The following FTO variants were observed in gnomAD, a reference collection of about 807,000 sequenced individuals.
The protein encoded by FTO is alpha-ketoglutarate-dependent dioxygenase FTO.
In FTO, 47 loss-of-function variants were observed where a neutral mutation model predicts 63.9. The observed-to-expected ratio is 0.74, with a 90% confidence interval of 0.58 to 0.94. FTO has a LOEUF of 0.94. Among genes scored for constraint, FTO ranks in the 40% least tolerant of loss-of-function variants. FTO has a pLI of 0.00. For missense variants in FTO, 562 were observed against 618.1 expected (o/e 0.91, Z 0.96); for synonymous variants, 207 against 224.4 (o/e 0.92, Z 0.69).
At chr16:53,837,351 G>A (rs2151802313) in intron 3 of FTO, among the ~76,000 whole-genome samples, 1 of 152,290 alleles carries the variant, frequency 6.6e-6, no homozygotes, top group South Asian at 2.1e-4. Flanking sequence ...AGATTTTTCT[G>A]TAAAGAGTTT....
chr16:53,826,098 G>C lies in FTO; in HGVS notation c.358G>C (p.Val120Leu). ...NTRLFTVPWP[V>L]KGSNIKHTEA... Reference sequence around the variant, plus strand: ...CAGGCTCTTTACGGTCCCCTGGCCAGTGAAAGGGTCTAATATAAAACACAC... The same window carrying C: ...CAGGCTCTTTACGGTCCCCTGGCCACTGAAAGGGTCTAATATAAAACACAC... The change falls in exon 3 of 9, where the codon GTG (valine) becomes CTG (leucine). Residue 120 changes from valine to leucine, a missense_variant. Coordinates refer to ENST00000471389, the MANE Select transcript of FTO (RefSeq NM_001080432.3). 3 of 1,614,194 alleles carry C rather than the reference G, an allele frequency of 1.9e-6. No homozygotes were observed. The highest frequency in any genetic ancestry group is 2.5e-6 in the Non-Finnish European group (3 of 1,180,048).
At chr16:54,075,897 T>C (rs1243485390) in intron 8 of FTO, among the ~76,000 whole-genome samples, 1 of 152,118 alleles carries the variant, frequency 6.6e-6, no homozygotes, top group African/African-American at 2.4e-5. Flanking sequence ...AATCTTAGAG[T>C]TGAGTAGAAA....
chr16:53,936,226 A>G (rs528890874), intron 8 of FTO, among the ~76,000 whole-genome samples: 4 of 152,354 alleles, frequency 2.6e-5, no homozygotes, highest in Non-Finnish European at 5.9e-5. Context: ...GTGTTAAGGG[A>G]GGAGGAAAGA....
chr16:54,055,711 C>G (rs73621707), intron 8 of FTO, among the ~76,000 whole-genome samples: 2 of 152,044 alleles, frequency 1.3e-5, no homozygotes, highest in African/African-American at 4.8e-5. Context: ...AATGTATGCC[C>G]ATGTCTATTA....
chr16:53,741,190 A>C (rs2076520975), intron 1 of FTO, among the ~76,000 whole-genome samples: 1 of 152,218 alleles, frequency 6.6e-6, no homozygotes, highest in Non-Finnish European at 1.5e-5. Context: ...CAGGTTTAGT[A>C]GTTAGTTATA....
chr16:54,090,152 T>C (rs1441754220), intron 8 of FTO, among the ~76,000 whole-genome samples: 4 of 152,178 alleles, frequency 2.6e-5, no homozygotes, highest in Non-Finnish European at 5.9e-5. Context: ...AACAGAGGAA[T>C]GGATAAACAA....
At chr16:54,013,950 G>C (rs1165338286) in intron 8 of FTO, among the ~76,000 whole-genome samples, 1 of 152,114 alleles carries the variant, frequency 6.6e-6, no homozygotes, top group Admixed American at 6.5e-5. Context: ...GCACTAAAAA[G>C]GACATTTGAA....
intron 8 of FTO, among the ~76,000 whole-genome samples, chr16:54,019,105 G>T (rs1180036646): frequency 1.3e-5 from 2 of 152,072 alleles, no homozygotes; most frequent in Non-Finnish European, 2.9e-5. Context: ...GTAGCTCCAG[G>T]CACCACATCC....
chr16:53,912,827 C>G (rs188655569), intron 7 of FTO, among the ~76,000 whole-genome samples: 1 of 152,328 alleles, frequency 6.6e-6, no homozygotes. Context: ...AAATTTACTA[C>G]CAGCTTCTTA....
At chr16:53,782,162 C>T (rs1334577483) in intron 1 of FTO, among the ~76,000 whole-genome samples, 1 of 152,168 alleles carries the variant, frequency 6.6e-6, no homozygotes, top group African/African-American at 2.4e-5. Context: ...CAACCAAGGT[C>T]CTTATAGGAA....
At chr16:53,734,716 C>T (rs2076350849) in intron 1 of FTO, among the ~76,000 whole-genome samples, 1 of 152,236 alleles carries the variant, frequency 6.6e-6, no homozygotes, top group Non-Finnish European at 1.5e-5. Context: ...TCTGCTCTGC[C>T]ATTCTTCAGC....
chr16:53,988,918 C>T (rs1389953939), intron 8 of FTO, among the ~76,000 whole-genome samples: 1 of 152,050 alleles, frequency 6.6e-6, no homozygotes, highest in East Asian at 1.9e-4. Context: ...TTAAAATATG[C>T]TTCTGCCGCC....
intron 1 of FTO, among the ~76,000 whole-genome samples, chr16:53,772,448 C>G (rs192857407): frequency 6.6e-5 from 10 of 152,190 alleles, no homozygotes; most frequent in Non-Finnish European, 1.2e-4. Flanking sequence ...GGCCTGCTGG[C>G]GTTCTCTGTT....
At chr16:53,868,008 CAGCTTTCT>C (rs2080380277) in intron 4 of FTO, among the ~76,000 whole-genome samples, 1 of 152,042 alleles carries the variant, frequency 6.6e-6, no homozygotes. Flanking sequence ...ATAGGCACTC[CAGCTTTCT>C]TTAGATTAAT....
chr16:53,834,514 TA>T (rs1567341845), intron 3 of FTO, among the ~76,000 whole-genome samples: 1 of 152,174 alleles, frequency 6.6e-6, no homozygotes, highest in Non-Finnish European at 1.5e-5. Flanking sequence ...TTCTCATCTG[TA>T]AAATAGTGAT....
Position 53,716,662 on chromosome 16 carries a change from C to T in FTO, c.45+12433C>T, listed in dbSNP as rs185049792. On this transcript the variant is annotated intron_variant, in intron 1 of 8. Transcript: ENST00000471389. ...ATATGTAGCTTATGAAAGTCAGCTTCGTAAATATAGAACCACACTGTATAT... is the reference window on the plus strand; with the variant it reads ...ATATGTAGCTTATGAAAGTCAGCTTTGTAAATATAGAACCACACTGTATAT... Among the ~76,000 whole-genome samples, 860 of 151,702 alleles carry T rather than the reference C, an allele frequency of 5.7e-3. 6 individuals carry two copies. The highest frequency in any genetic ancestry group is 0.015 in the African/African-American group (615 of 41,412).
intron 8 of FTO, among the ~76,000 whole-genome samples, chr16:53,995,053 G>C (rs1567503859): frequency 6.6e-6 from 1 of 152,178 alleles, no homozygotes; most frequent in Non-Finnish European, 1.5e-5. Context: ...GCAGCATGTG[G>C]AAAACAGCCT....
intron 1 of FTO, among the ~76,000 whole-genome samples, chr16:53,728,877 C>T (rs1048144897): frequency 2.0e-5 from 3 of 151,578 alleles, no homozygotes; most frequent in African/African-American, 7.3e-5. Flanking sequence ...ATTCTCCTGC[C>T]TCAGCCTCCA....
intron 8 of FTO, among the ~76,000 whole-genome samples, chr16:54,105,768 A>AGTGT (rs1353886684): frequency 8.0e-6 from 1 of 124,818 alleles, no homozygotes; most frequent in Non-Finnish European, 1.7e-5. Flanking sequence ...ATCAAGTTCT[A>AGTGT]GTCTGTGTGT....
Sources: gnomAD v4.1 joint callset for allele counts (sites outside exome capture counted in the v4.1 genomes callset) on GRCh38, gnomAD v4.1.1 for gene constraint, MANE v1.5 for transcripts, NCBI Gene and HGNC (gene_info 2026-07-23, HGNC 2026-07-21) for gene names.